Variants in TRIB3 observed in about 807,000 individuals in gnomAD.
TRIB3 encodes the protein tribbles homolog 3.
TRIB3 carries 20 observed loss-of-function variants against 16.6 expected under a neutral mutation model. That is an observed-to-expected ratio of 1.20 (90% confidence interval 0.85 to 1.75). The LOEUF is 1.75. TRIB3 is among the 40% of genes most tolerant of loss of function. The probability of loss-of-function intolerance (pLI) is 0.00; values close to 1 mark genes in which losing one functional copy is unlikely to be tolerated. For synonymous variants in TRIB3, 208 were observed against 217.0 expected, an observed-to-expected ratio of 0.96 and a Z score of 0.36; for missense variants, 484 against 488.9, an observed-to-expected ratio of 0.99 and a Z score of 0.10.
Position 396,910 on chromosome 20 carries a change from G to A in TRIB3, c.*220G>A, listed in dbSNP as rs914930779. The A allele has an allele frequency of 4.0e-5, 24 of 607,340 alleles. No individual in the cohort carries two copies. The highest frequency in any genetic ancestry group is 5.8e-5 in the Non-Finnish European group (21 of 360,748). The allele number at this position is 607,340 out of a possible 1,614,324, so 37.6% of individuals were successfully genotyped here. A position where few individuals can be genotyped will look rare whatever the true frequency, so the allele number is the denominator to read the frequency against. ...GGTGCCAAGCCCTGTTCTCGGTGCT[G>A]GGAGTACAGCAGTGAGCAAAGGAGA... On this transcript the variant is annotated 3_prime_UTR_variant, in exon 4 of 4. Transcript: ENST00000217233.
At position 396,967 on chromosome 20, in the gene TRIB3, G is replaced by A; in HGVS notation, c.*277G>A. ...TCCCTGCTCACAGAGATGACAAACT[G>A]GCATCCTTGAGCTGACAACACTTTT... On this transcript the variant is annotated 3_prime_UTR_variant, in exon 4 of 4. Transcript: ENST00000217233. 1 of 420,078 alleles carries A rather than the reference G, an allele frequency of 2.4e-6. No homozygotes were observed. Among genetic ancestry groups the A allele is most frequent in the South Asian group, 4.0e-5 (1 of 24,954 alleles). 26.0% of individuals were successfully genotyped at this position (420,078 alleles called of 1,614,324 possible).
chr20:390,286 C>A (rs2014936680), intron 2 of TRIB3, among the ~76,000 whole-genome samples: 2 of 152,130 alleles, frequency 1.3e-5, no homozygotes, highest in African/African-American at 4.8e-5. Flanking sequence ...CGAGATCACA[C>A]CACTGCACTC....
intron 1 of TRIB3, among the ~76,000 whole-genome samples, chr20:384,511 G>C (rs1030634171): frequency 2.6e-5 from 4 of 152,022 alleles, no homozygotes; most frequent in African/African-American, 4.8e-5. Flanking sequence ...CTACAGGCAT[G>C]CACCACCATG....
intron 1 of TRIB3, chr20:382,477 G>C (rs748649974): frequency 6.6e-6 from 10 of 1,506,032 alleles, no homozygotes; most frequent in Non-Finnish European, 8.0e-6. Context: ...GCGTGACTCA[G>C]AACAGCCTTG....
chr20:389,891 A>G (rs1304815743), intron 2 of TRIB3, among the ~76,000 whole-genome samples: 1 of 152,228 alleles, frequency 6.6e-6, no homozygotes, highest in Non-Finnish European at 1.5e-5. Context: ...GTAAATGATC[A>G]ACTTATTCAT....
In TRIB3 at chr20:382,717, C is replaced by T. The variant is rs965551362; in HGVS notation, c.-1+1548C>T. On this transcript the variant is annotated intron_variant, in intron 1 of 3. Coordinates refer to ENST00000217233, the MANE Select transcript of TRIB3 (RefSeq NM_021158.5). ...GCATCCTGTTCCCACTTTACAGGAA[C>T]TGAGGCTCAGAAAGCTTGAGGAACT... is the stretch of plus-strand genomic sequence containing the variant. 19 of 879,946 alleles carry T rather than the reference C, an allele frequency of 2.2e-5. No individual in the cohort carries two copies. The East Asian group carries it at 3.7e-4, about 17-fold the overall frequency. The allele number at this position is 879,946 out of a possible 1,614,324, so 54.5% of individuals were successfully genotyped here. A position where few individuals can be genotyped will look rare whatever the true frequency, so the allele number is the denominator to read the frequency against.
Position 396,414 on chromosome 20 carries a change from CCTG to C in TRIB3, c.804_806del (p.Leu269del), listed in dbSNP as rs765212008. ...ACCCCTTCCAGGACTCGGAGCCTGT[CCTG>C]CTCTTCGGCAAGATCCGCCGCGGGG... is the stretch of plus-strand genomic sequence containing the variant. On this transcript the variant is annotated inframe_deletion, in exon 4 of 4. Transcript: ENST00000217233. 1.2e-6 allele frequency: 2 copies of C among 1,613,070 alleles called. No individual in the cohort carries two copies. The highest frequency in any genetic ancestry group is 2.7e-5 in the African/African-American group (2 of 74,964).
chr20:390,467 C>T (rs1025182521), intron 2 of TRIB3, among the ~76,000 whole-genome samples: 1 of 152,182 alleles, frequency 6.6e-6, no homozygotes, highest in Admixed American at 6.5e-5. Flanking sequence ...GAGCAGAGCC[C>T]ATGGCTGTCA....
At position 397,034 on chromosome 20, in the gene TRIB3, C is replaced by A. The variant is rs1868439091; in HGVS notation, c.*344C>A. On this transcript the variant is annotated 3_prime_UTR_variant, in exon 4 of 4. Coordinates refer to ENST00000217233, the MANE Select transcript of TRIB3 (RefSeq NM_021158.5). ...CTGTCTACACTGGGTACACTTTGTA[C>A]CAGTGTCGGCCTCCACTGATGCTGG... 4.2e-6 allele frequency: 1 copy of A among 236,468 alleles called. No individual in the cohort carries two copies. Among genetic ancestry groups the A allele is most frequent in the Admixed American group, 5.1e-5 (1 of 19,792 alleles). 14.6% of individuals were successfully genotyped at this position (236,468 alleles called of 1,614,324 possible).
chr20:383,164 G>T (rs1568531704), intron 1 of TRIB3, among the ~76,000 whole-genome samples: 2 of 152,206 alleles, frequency 1.3e-5, no homozygotes, highest in African/African-American at 4.8e-5. Flanking sequence ...GTGAATGGTG[G>T]CTTTCCTTTC....
At chr20:392,327 G>A (rs1326970934) in intron 3 of TRIB3, among the ~76,000 whole-genome samples, 1 of 152,118 alleles carries the variant, frequency 6.6e-6, no homozygotes, top group Non-Finnish European at 1.5e-5. Context: ...GAGCTTGAGA[G>A]GCAGGGGCCT....
At chr20:391,850 C>T (rs184975045) in intron 3 of TRIB3, among the ~76,000 whole-genome samples, 44 of 152,188 alleles carry the variant, frequency 2.9e-4, no homozygotes, top group Middle Eastern at 3.4e-3. Flanking sequence ...GGTGAAACTC[C>T]GTCTCTACTA....
intron 2 of TRIB3, among the ~76,000 whole-genome samples, chr20:389,063 C>T (rs997386536): frequency 1.3e-5 from 2 of 152,182 alleles, no homozygotes; most frequent in African/African-American, 4.8e-5. Context: ...TGACAAGTGA[C>T]AGTCCAAGAA....
chr20:397,157 C>G lies in TRIB3; in HGVS notation c.*467C>G, dbSNP rs1217762964. On this transcript the variant is annotated 3_prime_UTR_variant, in exon 4 of 4. Transcript: ENST00000217233. ...CAGAGAAAGGGAGGTATCCCTGTGC[C>G]AAAGGCTCCAGGCCTCTCCCCTGCA... The G allele has an allele frequency of 6.3e-6, 1 of 157,722 alleles. No homozygotes were observed. Among genetic ancestry groups the G allele is most frequent in the Non-Finnish European group, 1.4e-5 (1 of 71,256 alleles). The allele number at this position is 157,722 out of a possible 1,614,324, so 9.8% of individuals were successfully genotyped here. A position where few individuals can be genotyped will look rare whatever the true frequency, so the allele number is the denominator to read the frequency against.
intron 1 of TRIB3, among the ~76,000 whole-genome samples, chr20:381,797 C>G (rs6115789): frequency 0.56 from 84,575 of 151,940 alleles, 23,882 homozygotes; most frequent in East Asian, 0.64. Flanking sequence ...ATCTCTGGCC[C>G]GGCAGGGCCG....
At chr20:382,461 C>T in intron 1 of TRIB3, 1 of 1,423,268 alleles carries the variant, frequency 7.0e-7, no homozygotes, top group South Asian at 1.2e-5. Context: ...AGCCAGGTAT[C>T]ATCCTGCGTG....
intron 1 of TRIB3, among the ~76,000 whole-genome samples, chr20:387,612 C>T (rs117116484): frequency 2.3e-4 from 34 of 150,546 alleles, no homozygotes; most frequent in Non-Finnish European, 5.0e-4. Context: ...CTGTGTTTGT[C>T]TTTCTTCTCT....
intron 1 of TRIB3, among the ~76,000 whole-genome samples, chr20:385,167 C>T (rs1043021798): frequency 1.3e-5 from 2 of 152,190 alleles, no homozygotes; most frequent in Admixed American, 6.5e-5. Flanking sequence ...GGCCGGAGTG[C>T]AATGACACTA....
rs762865422 is a variant in TRIB3 at position 396,234 on chromosome 20, C to T, written c.621C>T (p.Cys207=). 17 of 1,612,908 alleles carry T rather than the reference C, an allele frequency of 1.1e-5. No homozygotes were observed. Among genetic ancestry groups the T allele is most frequent in the East Asian group, 4.5e-5 (2 of 44,852 alleles). Residue 207 remains cysteine (C), a synonymous_variant, in exon 4 of 4, where the codon TGC becomes TGT. Transcript: ENST00000217233. ...TGCTGGAGAACCTGGAGGACTCCTGCGTGCTGACTGGGCCAGATGATTCCC... is the reference window on the plus strand; with the variant it reads ...TGCTGGAGAACCTGGAGGACTCCTGTGTGCTGACTGGGCCAGATGATTCCC... The part of the protein sequence containing the change: ...KLVLENLEDS[C]VLTGPDDSLW...
Sources: gnomAD v4.1 joint callset for allele counts (sites outside exome capture counted in the v4.1 genomes callset) on GRCh38, gnomAD v4.1.1 for gene constraint, MANE v1.5 for transcripts, NCBI Gene and HGNC (gene_info 2026-07-23, HGNC 2026-07-21) for gene names.